NOC3L: variants seen among roughly 807,000 people sequenced by gnomAD.
The protein encoded by NOC3L is nucleolar complex protein 3 homolog.
NOC3L carries 85 observed loss-of-function variants against 102.5 expected under a neutral mutation model. That is an observed-to-expected ratio of 0.83 (90% CI 0.70 to 0.99). The LOEUF (loss-of-function observed/expected upper bound fraction) is 0.99, where lower values mean the gene tolerates loss of function less well. Ranked by LOEUF, NOC3L falls within the 50% of genes least tolerant of loss-of-function variation. The probability of loss-of-function intolerance (pLI) is 0.00; values close to 1 mark genes in which losing one functional copy is unlikely to be tolerated. For synonymous variants in NOC3L, 303 were observed against 309.4 expected (o/e 0.98, Z 0.22); for missense variants, 878 against 914.9 (o/e 0.96, Z 0.52).
chr10:94,350,585 GCACACGCCTGTAGT>G (rs2054402998), intron 8 of NOC3L, among the ~76,000 whole-genome samples: 1 of 151,748 alleles, frequency 6.6e-6, no homozygotes. Context: ...ATGGTGGGTG[GCACACGCCTGTAGT>G]CCCAGCTATT....
At chr10:94,328,548 T>G (rs2054113653), downstream of NOC3L, 1 of 152,274 alleles carries the variant, frequency 6.6e-6, no homozygotes, top group Non-Finnish European at 1.5e-5. Context: ...CCAACACAAC[T>G]AAGAGAAGAG....
rs149137096 is a variant in NOC3L at position 94,345,341 on chromosome 10, A to G, written c.1390-408T>C. Reference sequence around the variant, plus strand: ...CATGTTGAGCCCAAAAATAATGGCTAGGATTAAATCATCTATAACTTGGAA... The same window carrying G: ...CATGTTGAGCCCAAAAATAATGGCTGGGATTAAATCATCTATAACTTGGAA... On this transcript the variant is annotated intron_variant, in intron 11 of 20. Coordinates refer to ENST00000371361, the MANE Select transcript of NOC3L (RefSeq NM_022451.11). Among the ~76,000 whole-genome samples, 788 of 152,274 alleles carry G rather than the reference A, an allele frequency of 5.2e-3. 10 individuals carry two copies. Among genetic ancestry groups the G allele is most frequent in the African/African-American group, 0.017 (723 of 41,580 alleles).
At chr10:94,347,165 G>A (rs112992239) in intron 10 of NOC3L, among the ~76,000 whole-genome samples, 4 of 152,264 alleles carry the variant, frequency 2.6e-5, no homozygotes, top group African/African-American at 7.2e-5. Flanking sequence ...CCGACCTCCC[G>A]CAGGCACAGC....
At chr10:94,327,147 C>G in the NOC3L span, among the ~76,000 whole-genome samples, 1 of 152,040 alleles carries the variant, frequency 6.6e-6, no homozygotes, top group Non-Finnish European at 1.5e-5. Context: ...AGCGACAGAG[C>G]GAGACTCCGT....
At chr10:94,355,998 A>G (rs1388641663) in intron 5 of NOC3L, among the ~76,000 whole-genome samples, 1 of 152,206 alleles carries the variant, frequency 6.6e-6, no homozygotes, top group African/African-American at 2.4e-5. Flanking sequence ...GAGGTCTGCT[A>G]AGCGAAAGTA....
intron 19 of NOC3L, 141 bp downstream of exon 19, chr10:94,337,636 G>A: frequency 3.6e-6 from 2 of 561,872 alleles, no homozygotes; most frequent in Non-Finnish European, 6.4e-6. Context: ...GAACAATTCA[G>A]GAATATGAAG....
the NOC3L span, among the ~76,000 whole-genome samples, chr10:94,318,307 A>T: frequency 6.6e-6 from 1 of 152,212 alleles, no homozygotes; most frequent in Non-Finnish European, 1.5e-5. Context: ...TTTAATGTCT[A>T]AATTTTTGTC....
At chr10:94,334,748 TACC>T (rs747601026) in intron 19 of NOC3L, 30 bp from the exon 20 acceptor site, 5 of 1,419,212 alleles carry the variant, frequency 3.5e-6, no homozygotes, top group African/African-American at 2.8e-5. Context: ...AATGTAAAGA[TACC>T]ACCACATCTG....
intron 2 of NOC3L, 73 bp downstream of exon 2, chr10:94,361,592 C>G: frequency 6.8e-7 from 1 of 1,468,070 alleles, no homozygotes; most frequent in Non-Finnish European, 9.5e-7. Context: ...TACTAGAAAG[C>G]AAAGTTATTT....
chr10:94,353,117 G>A, intron 6 of NOC3L, 60 bp from the exon 7 acceptor site: 1 of 1,396,720 alleles, frequency 7.2e-7, no homozygotes, highest in South Asian at 1.3e-5. Context: ...ATGAACAAAA[G>A]ACAACAGCCC....
At chr10:94,344,381 G>A (rs1416754651) in intron 13 of NOC3L, 34 bp downstream of exon 13, 10 of 1,382,012 alleles carry the variant, frequency 7.2e-6, no homozygotes, top group Non-Finnish European at 1.0e-5. Context: ...TATTTAGAAG[G>A]AATCTAAAAG....
downstream of NOC3L, chr10:94,329,810 A>AAC (rs1200078542): frequency 2.1e-4 from 31 of 144,464 alleles, no homozygotes; most frequent in African/African-American, 8.0e-4. Context: ...AAAAAAAAAA[A>AAC]ACACCATACA....
downstream of NOC3L, chr10:94,329,805 A>AAAAAAAC (rs1564905223): frequency 6.0e-5 from 9 of 149,474 alleles, no homozygotes; most frequent in East Asian, 7.8e-4. Flanking sequence ...AAAAAAAAAA[A>AAAAAAAC]AAAAAACACC....
chr10:94,342,443 C>T lies in NOC3L; in HGVS notation c.1572-698G>A, dbSNP rs1054359568. 3.3e-5 allele frequency among the ~76,000 whole-genome samples: 5 copies of T among 151,962 alleles called. No individual in the cohort carries two copies. In the South Asian group the frequency reaches 6.2e-4, roughly 19 times the overall value. Reference sequence around the variant, plus strand: ...TAAAAGACCTTATGAGTGACATATTCCATGCATATCGGTACAACTTTTTGG... The same window carrying T: ...TAAAAGACCTTATGAGTGACATATTTCATGCATATCGGTACAACTTTTTGG... On this transcript the variant is annotated intron_variant, in intron 13 of 20. Transcript: ENST00000371361.
intron 13 of NOC3L, among the ~76,000 whole-genome samples, chr10:94,342,895 G>A (rs2054302287): frequency 6.6e-6 from 1 of 152,004 alleles, no homozygotes. Flanking sequence ...GACCAGCCTG[G>A]CCAACATGAG....
chr10:94,328,174 A>C, the NOC3L span: 2 of 294,870 alleles, frequency 6.8e-6, no homozygotes, highest in African/African-American at 4.4e-5. Flanking sequence ...GCCATTTTAT[A>C]AATGTCAGCA....
chr10:94,328,109 G>C, the NOC3L span: 28,610 of 397,822 alleles, frequency 0.072, 1,438 homozygotes, highest in East Asian at 0.19. Context: ...GAAGCAAAAT[G>C]GCACAGGGCT....
intron 14 of NOC3L, 81 bp downstream of exon 14, chr10:94,341,592 A>T (rs2054285904): frequency 1.5e-6 from 1 of 675,218 alleles, no homozygotes; most frequent in Admixed American, 3.6e-5. Flanking sequence ...TGTATACAAA[A>T]TATATCTCAA....
chr10:94,362,877 C>T lies in NOC3L; in HGVS notation c.-39G>A. 3 of 1,613,952 alleles carry T rather than the reference C, an allele frequency of 1.9e-6. No individual in the cohort carries two copies. Among genetic ancestry groups the T allele is most frequent in the Non-Finnish European group, 1.7e-6 (2 of 1,180,038 alleles). ...ATGAATGCCGGCCAGACAAGTTCAC[C>T]AGAAGCAGGGTTACTACAGAAATCC... On this transcript the variant is annotated 5_prime_UTR_variant, in exon 1 of 21. Transcript: ENST00000371361.
Sources: allele counts gnomAD v4.1 joint callset (sites outside exome capture counted in the v4.1 genomes callset), GRCh38; gene constraint gnomAD v4.1.1; transcripts MANE v1.5; gene names NCBI Gene and HGNC (gene_info 2026-07-23, HGNC 2026-07-21).